Variants in LARP1 observed in about 807,000 individuals in gnomAD.
LARP1 encodes the protein la-related protein 1.
In LARP1, 36 loss-of-function variants were observed where a neutral mutation model predicts 122.7. The ratio of observed to expected loss-of-function variants is 0.29; its 90% confidence interval spans 0.22 to 0.39. The LOEUF (loss-of-function observed/expected upper bound fraction) is 0.39. Among genes scored for constraint, LARP1 ranks in the 10% least tolerant of loss-of-function variants. The pLI, the probability that LARP1 is intolerant of heterozygous loss-of-function variation, is 1.00. For synonymous variants in LARP1, 539 were observed against 528.7 expected (o/e 1.02, Z -0.27); for missense variants, 1,040 against 1,403.6 (o/e 0.74, Z 4.14).
At chr5:154,717,090 G>C (rs1018637248) in intron 1 of LARP1, among the ~76,000 whole-genome samples, 10 of 151,164 alleles carry the variant, frequency 6.6e-5, no homozygotes, top group African/African-American at 2.4e-4. Flanking sequence ...GAAAAAAAAG[G>C]AGAGAGAGAG....
At chr5:154,688,433 T>G (rs1754038025) in intron 1 of LARP1, among the ~76,000 whole-genome samples, 1 of 151,974 alleles carries the variant, frequency 6.6e-6, no homozygotes, top group African/African-American at 2.4e-5. Context: ...GCAGATCACG[T>G]GAGGCCAAGA....
At chr5:154,804,783 C>T (rs1184223976) in intron 14 of LARP1, 2 of 456,112 alleles carry the variant, frequency 4.4e-6, no homozygotes, top group Non-Finnish European at 8.8e-6. Context: ...GTAAGATGGC[C>T]CCAGTGTGTG....
At chr5:154,756,464 A>G (rs1753916159) in intron 1 of LARP1, 7 of 985,708 alleles carry the variant, frequency 7.1e-6, no homozygotes, top group Non-Finnish European at 8.4e-6. Context: ...GTTCGGGCCT[A>G]CCTCGTCGGC....
At chr5:154,786,345 T>C in intron 1 of LARP1, 1 of 397,748 alleles carries the variant, frequency 2.5e-6, no homozygotes, top group Non-Finnish European at 5.1e-6. Context: ...CCGGCTGGTA[T>C]GCTTCATTTT....
chr5:154,718,253 C>A (rs953792027), intron 1 of LARP1: 1 of 152,212 alleles, frequency 6.6e-6, no homozygotes, highest in Non-Finnish European at 1.5e-5. Flanking sequence ...CTGCATCTAA[C>A]TAGTATCTTA....
At chr5:154,707,470 T>G (rs1370368227) in intron 1 of LARP1, among the ~76,000 whole-genome samples, 2 of 152,210 alleles carry the variant, frequency 1.3e-5, no homozygotes, top group Non-Finnish European at 2.9e-5. Flanking sequence ...AAGCTGGAAT[T>G]GGCTACTTAT....
chr5:154,795,888 ATATATATT>A (rs1000510067), intron 8 of LARP1, among the ~76,000 whole-genome samples: 2 of 127,404 alleles, frequency 1.6e-5, no homozygotes, highest in Non-Finnish European at 3.1e-5. Flanking sequence ...ATATACATTT[ATATATATT>A]TATATATTAT....
At chr5:154,752,439 C>T (rs1334483985), upstream of LARP1, among the ~76,000 whole-genome samples, 7 of 151,714 alleles carry the variant, frequency 4.6e-5, no homozygotes, top group East Asian at 3.9e-4. Context: ...GACAGTGTTT[C>T]GCCATGTTGG....
At chr5:154,796,360 C>A (rs1045302060) in intron 8 of LARP1, among the ~76,000 whole-genome samples, 2 of 150,912 alleles carry the variant, frequency 1.3e-5, no homozygotes, top group Non-Finnish European at 2.9e-5. Flanking sequence ...CTACAAAAAA[C>A]TAACAAGACC....
At chr5:154,729,554 G>T (rs1756431068) in intron 1 of LARP1, 2 of 443,180 alleles carry the variant, frequency 4.5e-6, no homozygotes, top group South Asian at 3.3e-5. Context: ...GAAGGAAAAT[G>T]ATCAGAAAAA....
At chr5:154,706,887 AAAT>A (rs1328110890) in intron 1 of LARP1, among the ~76,000 whole-genome samples, 5 of 152,312 alleles carry the variant, frequency 3.3e-5, no homozygotes, top group African/African-American at 1.2e-4. Flanking sequence ...TTTTCCCAGT[AAAT>A]ACTTGCCTCT....
chr5:154,795,916 ATAT>A (rs1237177740), intron 8 of LARP1, among the ~76,000 whole-genome samples: 2 of 120,446 alleles, frequency 1.7e-5, no homozygotes, highest in Admixed American at 1.1e-4. Flanking sequence ...TATATTTATT[ATAT>A]ATTTATATTT....
At chr5:154,703,838 C>T (rs1046973720) in intron 1 of LARP1, among the ~76,000 whole-genome samples, 4 of 152,120 alleles carry the variant, frequency 2.6e-5, no homozygotes, top group Admixed American at 2.6e-4. Context: ...CCAGGCTGGT[C>T]TCGAACTCCT....
intron 1 of LARP1, among the ~76,000 whole-genome samples, chr5:154,703,911 G>A (rs1302753332): frequency 1.3e-5 from 2 of 151,988 alleles, no homozygotes; most frequent in African/African-American, 4.8e-5. Context: ...ATGAGCCACC[G>A]CGCCCAGCCA....
intron 1 of LARP1, among the ~76,000 whole-genome samples, chr5:154,720,443 A>G (rs1755793823): frequency 6.6e-6 from 1 of 152,080 alleles, no homozygotes; most frequent in Non-Finnish European, 1.5e-5. Context: ...GGCTAGGTGT[A>G]GTGGCTCACA....
At chr5:154,813,692 C>G (rs377617504) in intron 18 of LARP1, among the ~76,000 whole-genome samples, 195 bp from the exon 19 acceptor site, 64 of 152,286 alleles carry the variant, frequency 4.2e-4, no homozygotes, top group African/African-American at 1.4e-3. Flanking sequence ...ATGCTGACCC[C>G]ATGAGAGAGT....
intron 1 of LARP1, among the ~76,000 whole-genome samples, chr5:154,707,779 G>T (rs554585493): frequency 5.3e-5 from 8 of 152,292 alleles, no homozygotes; most frequent in African/African-American, 1.9e-4. Context: ...GACACCCAAA[G>T]TGGGTTGCTT....
intron 1 of LARP1, among the ~76,000 whole-genome samples, chr5:154,693,344 C>T (rs1164568283): frequency 6.6e-6 from 1 of 151,918 alleles, no homozygotes; most frequent in South Asian, 2.1e-4. Context: ...GCCATGTTGC[C>T]CAGGCTCACA....
Position 154,747,315 on chromosome 5 carries a change from A to G in LARP1, c.205+34185A>G, listed in dbSNP as rs111375156. Among the ~76,000 whole-genome samples the G allele has an allele frequency of 8.3e-4, 125 of 151,486 alleles. 1 individual carries two copies. Among genetic ancestry groups the G allele is most frequent in the African/African-American group, 2.6e-3 (107 of 41,330 alleles). ...AGCAAGACTCTGTCCCAAAAAAAAA[A>G]AAAAAGAAAAAGAAAAAAGGCTGCT... On this transcript the variant is annotated intron_variant, in intron 1 of 18. Transcript: ENST00000336314.
Sources: gnomAD v4.1 joint callset for allele counts (sites outside exome capture counted in the v4.1 genomes callset) on GRCh38, gnomAD v4.1.1 for gene constraint, MANE v1.5 for transcripts, NCBI Gene and HGNC (gene_info 2026-07-23, HGNC 2026-07-21) for gene names.